The following LARGE1 variants were observed in gnomAD, a reference collection of about 807,000 sequenced individuals.
LARGE1 encodes LARGE xylosyl- and glucuronyltransferase 1.
A neutral mutation model predicts 87.6 loss-of-function variants in LARGE1; 43 were observed. The observed-to-expected ratio is 0.49, with a 90% CI of 0.38 to 0.63. The LOEUF is 0.63. Ranked by LOEUF, LARGE1 falls within the 30% of genes least tolerant of loss-of-function variation. The pLI is 0.00. For synonymous variants in LARGE1, 434 were observed against 394.6 expected (o/e 1.10, Z -1.18); for missense variants, 802 against 1,000.2 (o/e 0.80, Z 2.67).
chr22:33,236,359 A>C (rs1926251784), intron 11 of LARGE1, among the ~76,000 whole-genome samples: 1 of 152,200 alleles, frequency 6.6e-6, no homozygotes, highest in African/African-American at 2.4e-5. Flanking sequence ...AATCTGCTAC[A>C]ACTGTTTATA....
chr22:33,558,777 G>C (rs2077769583), intron 6 of LARGE1, among the ~76,000 whole-genome samples: 1 of 152,190 alleles, frequency 6.6e-6, no homozygotes, highest in Admixed American at 6.5e-5. Context: ...CTTTTCAAAA[G>C]TAATACTTCA....
rs536803161 is a variant in LARGE1, at chr22:33,854,051, T to C, written c.-83+65944A>G. ...CAGTCCTTGTAGAGGCTGAACAAGA[T>C]AAATTGCCTATTGTGGATTAAAAAA... On this transcript the variant is annotated intron_variant, in intron 1 of 14. Coordinates refer to ENST00000397394, the MANE Select transcript of LARGE1 (RefSeq NM_133642.5). 5.9e-5 allele frequency among the ~76,000 whole-genome samples: 9 copies of C among 152,086 alleles called. No homozygotes were observed. In the South Asian group the frequency reaches 8.3e-4, roughly 14 times the overall value.
rs557370617 is a variant in LARGE1, at chr22:33,167,021, A to C, written c.1731-189T>G. Among the ~76,000 whole-genome samples, 3 of 152,342 alleles carry C rather than the reference A, an allele frequency of 2.0e-5. No homozygotes were observed. In the East Asian group the frequency reaches 5.8e-4, roughly 29 times the overall value. The stretch of plus-strand genomic sequence containing the variant: ...TCATTACATGCATAACATTAAGAGT[A>C]ACCCAATTTATCAATGTGAATGTAA... On this transcript the variant is annotated intron_variant, in intron 11 of 11. Coordinates refer to the LARGE1 transcript ENST00000608642.
At chr22:33,563,474 A>C (rs1225091993) in intron 6 of LARGE1, among the ~76,000 whole-genome samples, 2 of 152,216 alleles carry the variant, frequency 1.3e-5, no homozygotes, top group African/African-American at 4.8e-5. Context: ...CAGCATAAGA[A>C]AATGAATAAA....
chr22:33,650,509 C>T lies in LARGE1; in HGVS notation c.266G>A (p.Arg89Gln), dbSNP rs142272515. ...LRRQLSLAQG[R>Q]APSHRRGNHS... ...GTTGCCTCGGCGATGGGATGGGGCT[C>T]GGCCCTGGGCCAGGCTGAGCTGCCT... The change falls in exon 3 of 15, where the codon CGA becomes CAA. Residue 89 changes from arginine to glutamine, a missense_variant. Physicochemically the swap from Arg to Gln is conservative, Grantham distance 43. This residue lies in a region of LARGE1 where 177 missense variants were observed against 158.3 expected (regional missense o/e 1.12). Transcript: ENST00000397394. 2.2e-5 allele frequency: 36 copies of T among 1,613,004 alleles called. No homozygotes were observed. The highest frequency in any genetic ancestry group is 6.7e-5 in the East Asian group (3 of 44,894).
chr22:33,451,474 T>C (rs1244022499), intron 6 of LARGE1, among the ~76,000 whole-genome samples: 1 of 152,048 alleles, frequency 6.6e-6, no homozygotes, highest in African/African-American at 2.4e-5. Flanking sequence ...CAGTAGACAC[T>C]GTACCCAATG....
intron 2 of LARGE1, among the ~76,000 whole-genome samples, chr22:33,652,357 A>G (rs2080845421): frequency 6.6e-6 from 1 of 151,354 alleles, no homozygotes; most frequent in Non-Finnish European, 1.5e-5. Context: ...GAGAGCTAAC[A>G]TTAAAAAAAA....
At chr22:33,336,143 A>C (rs76556101) in intron 10 of LARGE1, among the ~76,000 whole-genome samples, 1,524 of 152,312 alleles carry the variant, frequency 0.01, 30 homozygotes, top group African/African-American at 0.034. Context: ...GCCAACACCA[A>C]GCTAGGTGCT....
chr22:33,624,257 T>C (rs1253466889), intron 4 of LARGE1, among the ~76,000 whole-genome samples: 1 of 152,046 alleles, frequency 6.6e-6, no homozygotes, highest in Non-Finnish European at 1.5e-5. Flanking sequence ...TTTGCTAAGA[T>C]ACTAGGGACA....
chr22:33,820,253 G>C (rs1361901831), intron 1 of LARGE1, among the ~76,000 whole-genome samples: 1 of 152,098 alleles, frequency 6.6e-6, no homozygotes, highest in African/African-American at 2.4e-5. Context: ...CCTGACAATA[G>C]ATGTTTTTAA....
At chr22:33,618,669 A>G (rs539549478) in intron 4 of LARGE1, among the ~76,000 whole-genome samples, 1 of 152,216 alleles carries the variant, frequency 6.6e-6, no homozygotes, top group Non-Finnish European at 1.5e-5. Context: ...TAACACCTCA[A>G]AAATACATAC....
the LARGE1 span, among the ~76,000 whole-genome samples, chr22:33,095,162 C>A: frequency 4.1e-3 from 619 of 152,322 alleles, 2 homozygotes; most frequent in African/African-American, 0.014. Flanking sequence ...TAACAAATTA[C>A]CACAAAGTGG....
intron 14 of LARGE1, among the ~76,000 whole-genome samples, chr22:33,276,341 T>G (rs1015204720): frequency 2.6e-5 from 4 of 152,224 alleles, no homozygotes; most frequent in African/African-American, 9.6e-5. Context: ...CCATTTCATG[T>G]TTTTGTACAC....
At chr22:33,283,421 G>A (rs1390581372) in intron 12 of LARGE1, 73 bp from the exon 13 acceptor site, 10 of 1,562,242 alleles carry the variant, frequency 6.4e-6, no homozygotes, top group Non-Finnish European at 8.8e-6. Flanking sequence ...CATGAGGGCG[G>A]GGTGGTCATT....
the LARGE1 span, among the ~76,000 whole-genome samples, chr22:33,094,457 C>G: frequency 6.6e-6 from 1 of 152,222 alleles, no homozygotes; most frequent in Non-Finnish European, 1.5e-5. Context: ...CCTAGCCTCA[C>G]ATCCAGCCCA....
chr22:33,459,604 C>T (rs1003572832), intron 6 of LARGE1, among the ~76,000 whole-genome samples: 1 of 152,018 alleles, frequency 6.6e-6, no homozygotes, highest in African/African-American at 2.4e-5. Flanking sequence ...CCAATTCATA[C>T]CCCCAATAGC....
At chr22:33,516,355 C>A (rs1358143364) in intron 6 of LARGE1, among the ~76,000 whole-genome samples, 2 of 152,150 alleles carry the variant, frequency 1.3e-5, no homozygotes, top group East Asian at 3.9e-4. Flanking sequence ...CTCACCAGGG[C>A]CAGCTTTAGG....
At chr22:33,548,355 G>A (rs1602369325) in intron 6 of LARGE1, among the ~76,000 whole-genome samples, 1 of 152,114 alleles carries the variant, frequency 6.6e-6, no homozygotes, top group Non-Finnish European at 1.5e-5. Context: ...TTCCTGTACA[G>A]CCTGCAGAAC....
intron 1 of LARGE1, among the ~76,000 whole-genome samples, chr22:33,768,827 G>C (rs2084982876): frequency 6.6e-6 from 1 of 152,138 alleles, no homozygotes; most frequent in African/African-American, 2.4e-5. Flanking sequence ...ACAGCCATTA[G>C]CATCAGCTGA....
Sources: gnomAD v4.1 joint callset for allele counts (sites outside exome capture counted in the v4.1 genomes callset) on GRCh38, gnomAD v4.1.1 for gene constraint, gnomAD v4.1.1 regional missense constraint, MANE v1.5 for transcripts, NCBI Gene and HGNC (gene_info 2026-07-23, HGNC 2026-07-21) for gene names.